Variants in RPS6KA2 observed in about 807,000 individuals in gnomAD.
RPS6KA2 encodes the protein ribosomal protein S6 kinase A2.
RPS6KA2 carries 42 observed loss-of-function variants against 91.8 expected under a neutral mutation model. The ratio of observed to expected loss-of-function variants is 0.46; its 90% CI spans 0.36 to 0.59. The LOEUF is 0.59. RPS6KA2 is among the 20% of genes least tolerant of loss of function. The probability of loss-of-function intolerance (pLI) is 0.00; values close to 1 mark genes in which losing one functional copy is unlikely to be tolerated. For missense variants in RPS6KA2, 798 were observed against 978.5 expected, an observed-to-expected ratio of 0.82 and a Z score of 2.46; for synonymous variants, 414 against 393.6, an observed-to-expected ratio of 1.05 and a Z score of -0.61.
chr6:166,532,515 C>T (rs1483323551), intron 2 of RPS6KA2, among the ~76,000 whole-genome samples: 3 of 152,186 alleles, frequency 2.0e-5, no homozygotes, highest in Non-Finnish European at 2.9e-5. Context: ...CACGCTCTCA[C>T]CATGTGCCCC....
Position 166,531,289 on chromosome 6 carries a change from C to T in RPS6KA2, c.241G>A (p.Gly81Arg). ...GCGTAGAGCTGCCCAGCGTCGGACCCCTTCACCTTCCTCACCAGGAACACC... is the reference window on the plus strand; with the variant it reads ...GCGTAGAGCTGCCCAGCGTCGGACCTCTTCACCTTCCTCACCAGGAACACC... ...GKVFLVRKVK[G>R]SDAGQLYAMK... The change falls in exon 3 of 21, where the codon GGG becomes AGG. Residue 81 changes from glycine (G) to arginine (R), a missense_variant. Coordinates refer to ENST00000265678, the MANE Select transcript of RPS6KA2 (RefSeq NM_021135.6). The T allele has an allele frequency of 4.3e-6, 7 of 1,614,084 alleles. No homozygotes were observed. Among genetic ancestry groups the T allele is most frequent in the African/African-American group, 1.3e-5 (1 of 75,052 alleles).
intron 10 of RPS6KA2, among the ~76,000 whole-genome samples, chr6:166,483,930 C>T (rs1376517448): frequency 6.6e-6 from 1 of 152,246 alleles, no homozygotes; most frequent in East Asian, 1.9e-4. Flanking sequence ...TAAGAGAATG[C>T]AGGACTGTGC....
intron 3 of RPS6KA2, among the ~76,000 whole-genome samples, chr6:166,521,193 C>T (rs1782842998): frequency 6.6e-6 from 1 of 152,180 alleles, no homozygotes; most frequent in African/African-American, 2.4e-5. Context: ...GTGTGGCTGC[C>T]CTTACCTAAA....
At chr6:166,468,941 A>C (rs1174586138) in intron 11 of RPS6KA2, among the ~76,000 whole-genome samples, 3 of 152,170 alleles carry the variant, frequency 2.0e-5, no homozygotes, top group Non-Finnish European at 4.4e-5. Flanking sequence ...AATCTTAAAA[A>C]GTGTTCCATT....
At chr6:166,845,744 A>G (rs116380844) in intron 2 of RPS6KA2, among the ~76,000 whole-genome samples, 4,808 of 152,226 alleles carry the variant, frequency 0.032, 272 homozygotes, top group African/African-American at 0.11. Flanking sequence ...AGCATTAAAT[A>G]TCTACATCAA....
chr6:166,743,806 C>T (rs532237557), intron 2 of RPS6KA2, among the ~76,000 whole-genome samples: 4 of 150,864 alleles, frequency 2.7e-5, no homozygotes, highest in African/African-American at 4.9e-5. Context: ...GCACAGCAGA[C>T]AGGGCTTTGG....
upstream of RPS6KA2, among the ~76,000 whole-genome samples, chr6:166,630,900 G>C (rs1787053739): frequency 1.3e-5 from 2 of 152,228 alleles, no homozygotes; most frequent in African/African-American, 4.8e-5. Context: ...ACCCTAGAAG[G>C]TAAACTGTAG....
At position 166,423,619 on chromosome 6, in the gene RPS6KA2, T is replaced by C. The variant is rs151302866; in HGVS notation, c.1582-202A>G. On this transcript the variant is annotated intron_variant, in intron 16 of 20. Coordinates refer to ENST00000265678, the MANE Select transcript of RPS6KA2 (RefSeq NM_021135.6). The surrounding 1 kb of genome is among the most constrained non-coding windows in gnomAD (Gnocchi z 4.8). Reference sequence around the variant, plus strand: ...TCTCCCATTCTCCTGTGGTGGTCACTCACTTCTGAGCTCCTGGTGTCACCT... The same window carrying C: ...TCTCCCATTCTCCTGTGGTGGTCACCCACTTCTGAGCTCCTGGTGTCACCT... Among the ~76,000 whole-genome samples the C allele has an allele frequency of 5.3e-5, 8 of 152,288 alleles. No homozygotes were observed. Among genetic ancestry groups the C allele is most frequent in the African/African-American group, 1.9e-4 (8 of 41,560 alleles).
intron 1 of RPS6KA2, among the ~76,000 whole-genome samples, chr6:166,565,762 T>G (rs1281621491): frequency 1.3e-5 from 2 of 152,116 alleles, no homozygotes; most frequent in African/African-American, 4.8e-5. Context: ...GGTGCTCCTG[T>G]GTGGGCCAAC....
At chr6:166,624,138 GTC>G (rs1786745168) in intron 1 of RPS6KA2, among the ~76,000 whole-genome samples, 1 of 152,262 alleles carries the variant, frequency 6.6e-6, no homozygotes, top group South Asian at 2.1e-4. Flanking sequence ...TTAGGACTGA[GTC>G]TCTCTCTGAA....
intron 1 of RPS6KA2, among the ~76,000 whole-genome samples, chr6:166,580,924 C>T (rs567384404): frequency 2.6e-4 from 39 of 152,090 alleles, no homozygotes; most frequent in Non-Finnish European, 2.4e-4. Flanking sequence ...TTTTTTGAGA[C>T]GAAGTCTCAT....
chr6:166,412,723 G>C lies in RPS6KA2; in HGVS notation c.*39C>G. On this transcript the variant is annotated 3_prime_UTR_variant, in exon 21 of 21. Transcript: ENST00000265678. The surrounding 1 kb of genome is among the most constrained non-coding windows in gnomAD (Gnocchi z 4.3). ...GAGGCCGGGGTCTGTGAGCCCACGA[G>C]GATGCTGGCAGGGGACGCTGGGGCC... 2 of 1,557,262 alleles carry C rather than the reference G, an allele frequency of 1.3e-6. No individual in the cohort carries two copies. Among genetic ancestry groups the C allele is most frequent in the Non-Finnish European group, 1.7e-6 (2 of 1,151,668 alleles).
chr6:166,463,962 T>C (rs1780425512), intron 11 of RPS6KA2, among the ~76,000 whole-genome samples: 2 of 152,166 alleles, frequency 1.3e-5, no homozygotes, highest in South Asian at 2.1e-4. Context: ...AGGGTGATGA[T>C]TCATTGCACA....
intron 2 of RPS6KA2, among the ~76,000 whole-genome samples, chr6:166,854,237 G>A (rs1181185588): frequency 6.6e-6 from 1 of 152,188 alleles, no homozygotes; most frequent in Non-Finnish European, 1.5e-5. Context: ...CTCAAGAACA[G>A]ACATCTTGTC....
rs1329539503 is a variant in RPS6KA2 at position 166,612,737 on chromosome 6, C to T, written c.99+14184G>A. ...GTAACAGGACTGTGCAGTTGGGAAGCTCATCTCCTCTTACATTTGGATGTT... is the reference window on the plus strand; with the variant it reads ...GTAACAGGACTGTGCAGTTGGGAAGTTCATCTCCTCTTACATTTGGATGTT... On this transcript the variant is annotated intron_variant, in intron 1 of 20. Coordinates refer to ENST00000265678, the MANE Select transcript of RPS6KA2 (RefSeq NM_021135.6). The surrounding 1 kb of genome is among the most constrained non-coding windows in gnomAD (Gnocchi z 4.3). 1.3e-5 allele frequency among the ~76,000 whole-genome samples: 2 copies of T among 152,136 alleles called. No individual in the cohort carries two copies. The highest frequency in any genetic ancestry group is 2.9e-5 in the Non-Finnish European group (2 of 68,044).
chr6:166,780,527 C>T (rs1778741718), intron 2 of RPS6KA2, among the ~76,000 whole-genome samples: 1 of 152,198 alleles, frequency 6.6e-6, no homozygotes, highest in Non-Finnish European at 1.5e-5. Flanking sequence ...GTCGCCCAGT[C>T]TCGGTGCCTT....
chr6:166,787,923 C>T (rs1778974319), intron 2 of RPS6KA2, among the ~76,000 whole-genome samples: 1 of 139,434 alleles, frequency 7.2e-6, no homozygotes, highest in Non-Finnish European at 1.5e-5. Flanking sequence ...GCAATCTACT[C>T]ATCTGACAAA....
At chr6:166,778,144 G>A (rs562834878) in intron 2 of RPS6KA2, among the ~76,000 whole-genome samples, 12 of 152,218 alleles carry the variant, frequency 7.9e-5, no homozygotes, top group Non-Finnish European at 1.8e-4. Context: ...GGGAGATATC[G>A]GTGCTTACGT....
At chr6:166,527,214 G>C (rs1301949028) in intron 3 of RPS6KA2, among the ~76,000 whole-genome samples, 2 of 152,222 alleles carry the variant, frequency 1.3e-5, no homozygotes, top group African/African-American at 4.8e-5. Context: ...ACAGATTCCA[G>C]CTGCATTCCC....
Sources: allele counts gnomAD v4.1 joint callset (sites outside exome capture counted in the v4.1 genomes callset), GRCh38; gene constraint gnomAD v4.1.1; non-coding constraint Gnocchi (gnomAD v3.1); transcripts MANE v1.5; gene names NCBI Gene and HGNC (gene_info 2026-07-23, HGNC 2026-07-21).